The following HS6ST3 variants were observed in gnomAD, a reference collection of about 807,000 sequenced individuals.
The protein encoded by HS6ST3 is heparan sulfate 6-O-sulfotransferase 3.
In HS6ST3, 12 loss-of-function variants were observed where a neutral mutation model predicts 36.7. The ratio of observed to expected loss-of-function variants is 0.33; its 90% CI spans 0.21 to 0.53. HS6ST3 has a LOEUF of 0.53. HS6ST3 is among the 20% of genes least tolerant of loss of function. The pLI is 0.95. For missense variants in HS6ST3, 584 were observed against 640.9 expected (o/e 0.91, Z 0.96); for synonymous variants, 240 against 257.5 (o/e 0.93, Z 0.65).
Position 96,090,891 on chromosome 13 carries a change from T to G in HS6ST3, c.29T>G (p.Leu10Arg). Reference protein sequence around the residue: MDERFNKWLLTPVLTLLFVV... With the variant: MDERFNKWLRTPVLTLLFVV... ...GATGAAAGGTTCAACAAGTGGCTGC[T>G]GACGCCGGTGCTCACTCTCCTCTTC... The change falls in exon 1 of 2, where the codon CTG (leucine) becomes CGG (arginine). Residue 10 changes from leucine (L) to arginine (R), a missense_variant. Physicochemically the swap from Leu to Arg is moderately radical, Grantham distance 102 (BLOSUM62 -2). Coordinates refer to ENST00000376705, the MANE Select transcript of HS6ST3 (RefSeq NM_153456.4). 6.6e-7 allele frequency: 1 copy of G among 1,513,032 alleles called. No individual in the cohort carries two copies. Among genetic ancestry groups the G allele is most frequent in the South Asian group, 1.2e-5 (1 of 83,938 alleles). The allele number at this position is 1,513,032 out of a possible 1,614,324, so 93.7% of individuals were successfully genotyped here. A position where few individuals can be genotyped will look rare whatever the true frequency, so the allele number is the denominator to read the frequency against.
chr13:96,173,902 T>C (rs2054200629), intron 1 of HS6ST3, among the ~76,000 whole-genome samples: 1 of 151,714 alleles, frequency 6.6e-6, no homozygotes, highest in Non-Finnish European at 1.5e-5. Context: ...AGCAAGAGAG[T>C]GATGGACAGA....
chr13:96,776,119 A>G (rs976069552), intron 1 of HS6ST3, among the ~76,000 whole-genome samples: 6 of 152,232 alleles, frequency 3.9e-5, no homozygotes, highest in Non-Finnish European at 8.8e-5. Flanking sequence ...GAAGGCAGAA[A>G]TAAATAAGTT....
intron 1 of HS6ST3, among the ~76,000 whole-genome samples, chr13:96,497,930 T>G (rs774787413): frequency 6.6e-6 from 1 of 152,160 alleles, no homozygotes; most frequent in Non-Finnish European, 1.5e-5. Context: ...GGAGAAAAGA[T>G]GTACAAATTC....
intron 1 of HS6ST3, among the ~76,000 whole-genome samples, chr13:96,186,237 GAAGA>G (rs1262705000): frequency 6.6e-6 from 1 of 152,158 alleles, no homozygotes; most frequent in Non-Finnish European, 1.5e-5. Context: ...AAAAATGAAA[GAAGA>G]AAGGAGAGAT....
intron 1 of HS6ST3, among the ~76,000 whole-genome samples, chr13:96,649,888 T>C (rs533319960): frequency 1.6e-3 from 239 of 152,206 alleles, no homozygotes; most frequent in African/African-American, 5.4e-3. Context: ...GATTTTGCTG[T>C]GATCTTATTT....
chr13:96,709,534 C>T (rs185057459), intron 1 of HS6ST3, among the ~76,000 whole-genome samples: 2 of 152,046 alleles, frequency 1.3e-5, no homozygotes, highest in Admixed American at 6.5e-5. Context: ...GGACTTAGGC[C>T]GTGAAAGTGG....
At chr13:96,621,132 G>A (rs1429967402) in intron 1 of HS6ST3, among the ~76,000 whole-genome samples, 1 of 152,170 alleles carries the variant, frequency 6.6e-6, no homozygotes, top group East Asian at 1.9e-4. Context: ...GGAGCAAGGG[G>A]GCTCTTTTCT....
At chr13:96,260,653 T>A (rs1471427938) in intron 1 of HS6ST3, among the ~76,000 whole-genome samples, 1 of 150,566 alleles carries the variant, frequency 6.6e-6, no homozygotes, top group Non-Finnish European at 1.5e-5. Flanking sequence ...TTTTCTTTTT[T>A]TTTTTAGATA....
chr13:96,154,629 G>C (rs1431582477), intron 1 of HS6ST3, among the ~76,000 whole-genome samples: 1 of 151,974 alleles, frequency 6.6e-6, no homozygotes, highest in Non-Finnish European at 1.5e-5. Context: ...TAGATGAACA[G>C]ATAAAGATAA....
In HS6ST3 at chr13:96,829,984, C is replaced by T. The variant is rs113455554; in HGVS notation, c.708-2506C>T. 3.9e-3 allele frequency among the ~76,000 whole-genome samples: 591 copies of T among 152,046 alleles called. 4 individuals are homozygous for T. Among genetic ancestry groups the T allele is most frequent in the African/African-American group, 0.013 (558 of 41,486 alleles). ...GAGGGCTTGGCTTGCTATTTTTAAA[C>T]TTTACAATAATGAGAATACCATAGG... On this transcript the variant is annotated intron_variant, in intron 1 of 1. Coordinates refer to ENST00000376705, the MANE Select transcript of HS6ST3 (RefSeq NM_153456.4).
rs567018945 is a variant in HS6ST3 at position 96,609,190 on chromosome 13, T to C, written c.708-223300T>C. ...CTTCACTGTGTTAGCCAGGATGGTC[T>C]CGATCTCCTGACCTCATGATCCACC... On this transcript the variant is annotated intron_variant, in intron 1 of 1. Transcript: ENST00000376705. 1.6e-4 allele frequency among the ~76,000 whole-genome samples: 25 copies of C among 152,170 alleles called. No individual in the cohort carries two copies. In the East Asian group the frequency reaches 3.9e-3, roughly 24 times the overall value.
chr13:96,359,335 A>G (rs1432028990), intron 1 of HS6ST3, among the ~76,000 whole-genome samples: 1 of 152,192 alleles, frequency 6.6e-6, no homozygotes. Context: ...TGACTGTCAG[A>G]GTATTGAACA....
chr13:96,566,502 A>T (rs1031293772), intron 1 of HS6ST3, among the ~76,000 whole-genome samples: 6 of 152,142 alleles, frequency 3.9e-5, no homozygotes, highest in Admixed American at 3.3e-4. Context: ...GAAACTCTTT[A>T]AAAAAAGCTA....
In HS6ST3 at chr13:96,273,925, T is replaced by TTACC. The variant is rs2054733755; in HGVS notation, c.707+182357_707+182358insACCT. On this transcript the variant is annotated intron_variant, in intron 1 of 1. Transcript: ENST00000376705. ...GTGGCTTCCCTCCCTTCCTTCCTTC[T>TTACC]TCCCTCCCTCCCTCCCTCCCTCCCT... Among the ~76,000 whole-genome samples, 6 of 103,494 alleles carry TTACC rather than the reference T, an allele frequency of 5.8e-5. No homozygotes were observed. In the East Asian group the frequency reaches 2.1e-3, roughly 36 times the overall value. The allele number at this position is 103,494 out of a possible 152,430, so 67.9% of individuals were successfully genotyped here. A position where few individuals can be genotyped will look rare whatever the true frequency, so the allele number is the denominator to read the frequency against.
intron 1 of HS6ST3, among the ~76,000 whole-genome samples, chr13:96,569,240 G>T (rs1566399580): frequency 6.6e-6 from 1 of 152,188 alleles, no homozygotes; most frequent in Non-Finnish European, 1.5e-5. Context: ...ACAGAAAGAA[G>T]TTACTGGCCT....
chr13:96,335,611 G>T (rs1318035766), intron 1 of HS6ST3, among the ~76,000 whole-genome samples: 1 of 152,160 alleles, frequency 6.6e-6, no homozygotes, highest in Non-Finnish European at 1.5e-5. Flanking sequence ...CTAACTTCTG[G>T]ATGAGGAATC....
At chr13:96,304,406 G>A (rs2054898959) in intron 1 of HS6ST3, among the ~76,000 whole-genome samples, 1 of 152,078 alleles carries the variant, frequency 6.6e-6, no homozygotes, top group South Asian at 2.1e-4. Flanking sequence ...TTGCATCAAA[G>A]ATGTGATTAG....
intron 1 of HS6ST3, among the ~76,000 whole-genome samples, chr13:96,150,346 G>A (rs768933187): frequency 1.3e-5 from 2 of 151,922 alleles, no homozygotes; most frequent in Non-Finnish European, 2.9e-5. Flanking sequence ...CATTAGAGTG[G>A]GTAAGCCAGG....
intron 1 of HS6ST3, among the ~76,000 whole-genome samples, chr13:96,733,033 T>C (rs1293488712): frequency 1.3e-5 from 2 of 152,242 alleles, no homozygotes; most frequent in East Asian, 3.8e-4. Context: ...AACAGCATTT[T>C]GGTGGAACCT....
Sources: allele counts gnomAD v4.1 joint callset (sites outside exome capture counted in the v4.1 genomes callset), GRCh38; gene constraint gnomAD v4.1.1; transcripts MANE v1.5; gene names NCBI Gene and HGNC (gene_info 2026-07-23, HGNC 2026-07-21).